The following DLGAP1 variants were observed in gnomAD, a reference collection of about 807,000 sequenced individuals.
DLGAP1 encodes DLG associated protein 1, also known as disks large-associated protein 1.
DLGAP1 carries 11 observed loss-of-function variants against 90.8 expected under a neutral mutation model. The observed-to-expected ratio is 0.12, with a 90% CI of 0.08 to 0.20. DLGAP1 has a LOEUF of 0.20. Among genes scored for constraint, DLGAP1 ranks in the 10% least tolerant of loss-of-function variants. The pLI is 1.00. For synonymous variants in DLGAP1, 558 were observed against 540.7 expected (o/e 1.03, Z -0.44); for missense variants, 1,050 against 1,333.8 (o/e 0.79, Z 3.31).
chr18:3,707,720 C>G (rs1344913371), intron 7 of DLGAP1, among the ~76,000 whole-genome samples: 1 of 152,038 alleles, frequency 6.6e-6, no homozygotes, highest in Non-Finnish European at 1.5e-5. Context: ...TGCATTGGTG[C>G]TGCGTTCCTG....
intron 2 of DLGAP1, among the ~76,000 whole-genome samples, chr18:4,128,760 A>G (rs1233520320): frequency 6.6e-6 from 1 of 152,156 alleles, no homozygotes; most frequent in Non-Finnish European, 1.5e-5. Context: ...ATGGAGAGAA[A>G]AATACATGCC....
chr18:3,538,029 A>G (rs1420569611), intron 9 of DLGAP1, among the ~76,000 whole-genome samples: 1 of 152,252 alleles, frequency 6.6e-6, no homozygotes, highest in Non-Finnish European at 1.5e-5. Context: ...CTTGAAGCCA[A>G]TAAAAACTAA....
chr18:3,669,420 C>T (rs1446855642), intron 7 of DLGAP1, among the ~76,000 whole-genome samples: 2 of 152,142 alleles, frequency 1.3e-5, no homozygotes, highest in African/African-American at 4.8e-5. Context: ...ACCACACCCC[C>T]AACCTGGGCC....
At chr18:3,694,179 T>C (rs778103522) in intron 7 of DLGAP1, among the ~76,000 whole-genome samples, 2 of 152,144 alleles carry the variant, frequency 1.3e-5, no homozygotes, top group African/African-American at 2.4e-5. Flanking sequence ...AGAATGATGG[T>C]GTCCAGCTTC....
intron 1 of DLGAP1, among the ~76,000 whole-genome samples, chr18:4,432,024 C>T (rs959387755): frequency 6.6e-6 from 1 of 152,146 alleles, no homozygotes; most frequent in Non-Finnish European, 1.5e-5. Flanking sequence ...GATACAACTT[C>T]CGTTTTTTTA....
chr18:4,225,068 AG>A (rs1477011840), intron 1 of DLGAP1, among the ~76,000 whole-genome samples: 1 of 152,070 alleles, frequency 6.6e-6, no homozygotes, highest in East Asian at 1.9e-4. Context: ...ATAAAACAAG[AG>A]GCTCTGCCTG....
At chr18:3,639,120 C>A (rs1391783361) in intron 7 of DLGAP1, among the ~76,000 whole-genome samples, 3 of 152,122 alleles carry the variant, frequency 2.0e-5, no homozygotes, top group Admixed American at 6.6e-5. Context: ...CTTTGGGAGG[C>A]CAAGGCAGGT....
chr18:3,893,258 A>G (rs1007023780), intron 3 of DLGAP1, among the ~76,000 whole-genome samples: 1 of 152,152 alleles, frequency 6.6e-6, no homozygotes, highest in African/African-American at 2.4e-5. Context: ...GCAGTATGCC[A>G]TGGTGTATAT....
At chr18:3,801,116 C>G (rs142703654) in intron 5 of DLGAP1, among the ~76,000 whole-genome samples, 99 of 152,166 alleles carry the variant, frequency 6.5e-4, no homozygotes, top group African/African-American at 2.4e-3. Flanking sequence ...CCAGATCTTG[C>G]GTGAACTCAA....
chr18:3,546,080 T>C (rs1043426990), intron 9 of DLGAP1, among the ~76,000 whole-genome samples: 3 of 152,104 alleles, frequency 2.0e-5, no homozygotes, highest in Admixed American at 1.3e-4. Context: ...TTAGAGAATA[T>C]AGAAGAATTC....
rs1033228263 is a variant in DLGAP1 at position 4,309,698 on chromosome 18, C to T, written c.-267+145308G>A. Among the ~76,000 whole-genome samples the T allele has an allele frequency of 7.9e-5, 12 of 152,266 alleles. No homozygotes were observed. The South Asian group carries it at 1.0e-3, about 13-fold the overall frequency. Reference sequence around the variant, plus strand: ...TGTCTTAGAGAAAAAGTGACAGCTTCGGATTTCTAGGAATGAGGTCAAATT... The same window carrying T: ...TGTCTTAGAGAAAAAGTGACAGCTTTGGATTTCTAGGAATGAGGTCAAATT... On this transcript the variant is annotated intron_variant, in intron 1 of 12. Transcript: ENST00000315677.
At chr18:4,011,316 G>T (rs1309175283) in intron 2 of DLGAP1, among the ~76,000 whole-genome samples, 1 of 152,108 alleles carries the variant, frequency 6.6e-6, no homozygotes, top group South Asian at 2.1e-4. Context: ...AGGCTCAAGG[G>T]GGGTGCAGCC....
At chr18:3,798,042 G>A (rs1428822961) in intron 5 of DLGAP1, among the ~76,000 whole-genome samples, 1 of 152,200 alleles carries the variant, frequency 6.6e-6, no homozygotes, top group Non-Finnish European at 1.5e-5. Flanking sequence ...CCAGCCACAT[G>A]GAACTGTGAG....
chr18:4,349,864 G>C (rs907463805), intron 1 of DLGAP1, among the ~76,000 whole-genome samples: 1 of 152,086 alleles, frequency 6.6e-6, no homozygotes, highest in African/African-American at 2.4e-5. Context: ...GTTATTTATG[G>C]ATTAAATAAC....
Position 3,652,595 on chromosome 18 carries a change from G to A in DLGAP1, c.1592-70347C>T, listed in dbSNP as rs191802209. ...TGGCCTCAAGCTATTTTCCTGCCTCGCCCTCCCAGAGTGCTGGGATTACAG... is the reference window on the plus strand; with the variant it reads ...TGGCCTCAAGCTATTTTCCTGCCTCACCCTCCCAGAGTGCTGGGATTACAG... On this transcript the variant is annotated intron_variant, in intron 7 of 12. Coordinates refer to ENST00000315677, the MANE Select transcript of DLGAP1 (RefSeq NM_004746.4). Among the ~76,000 whole-genome samples the A allele has an allele frequency of 3.9e-5, 6 of 152,204 alleles. No individual in the cohort carries two copies. The East Asian group carries it at 7.7e-4, about 20-fold the overall frequency.
chr18:4,247,556 A>C (rs187717674), intron 1 of DLGAP1, among the ~76,000 whole-genome samples: 145 of 152,248 alleles, frequency 9.5e-4, no homozygotes, highest in African/African-American at 3.3e-3. Context: ...CGAGCGGATC[A>C]CCTGAGGTCA....
At chr18:3,973,081 T>C (rs2073487033) in intron 3 of DLGAP1, among the ~76,000 whole-genome samples, 1 of 152,162 alleles carries the variant, frequency 6.6e-6, no homozygotes, top group Admixed American at 6.5e-5. Flanking sequence ...CCAAAGAAAC[T>C]TAATTCTGGG....
chr18:4,375,645 T>C (rs573831268), intron 1 of DLGAP1, among the ~76,000 whole-genome samples: 14 of 152,168 alleles, frequency 9.2e-5, no homozygotes, highest in Non-Finnish European at 2.1e-4. Context: ...GAAGAAGCAG[T>C]GGAACAATGT....
intron 1 of DLGAP1, among the ~76,000 whole-genome samples, chr18:4,282,711 A>G (rs1048354894): frequency 6.6e-6 from 1 of 152,234 alleles, no homozygotes; most frequent in Admixed American, 6.5e-5. Flanking sequence ...ACATAAAAAA[A>G]TAGAAGTAAC....
Sources: allele counts gnomAD v4.1 joint callset (sites outside exome capture counted in the v4.1 genomes callset), GRCh38; gene constraint gnomAD v4.1.1; transcripts MANE v1.5; gene names NCBI Gene and HGNC (gene_info 2026-07-23, HGNC 2026-07-21).